TMPRSS6: variants seen among roughly 807,000 people sequenced by gnomAD.
TMPRSS6 encodes transmembrane serine protease 6, also known as transmembrane protease serine 6.
A neutral mutation model predicts 101.5 loss-of-function variants in TMPRSS6; 67 were observed. That is an observed-to-expected ratio of 0.66 (90% CI 0.54 to 0.81). The LOEUF (loss-of-function observed/expected upper bound fraction) is 0.81. Among genes scored for constraint, TMPRSS6 ranks in the 30% least tolerant of loss-of-function variants. TMPRSS6 has a pLI of 0.00. For synonymous variants in TMPRSS6, 453 were observed against 464.9 expected, an observed-to-expected ratio of 0.97 and a Z score of 0.33; for missense variants, 1,034 against 1,088.7, an observed-to-expected ratio of 0.95 and a Z score of 0.71.
chr22:37,075,568 G>A (rs746329158), intron 10 of TMPRSS6, among the ~76,000 whole-genome samples: 1 of 152,218 alleles, frequency 6.6e-6, no homozygotes, highest in Admixed American at 6.5e-5. Flanking sequence ...GTTCTAGCAA[G>A]TCAGGGTCCT....
At chr22:37,075,422 A>T in intron 10 of TMPRSS6, 142 bp from the exon 11 acceptor site, 5 of 1,126,882 alleles carry the variant, frequency 4.4e-6, no homozygotes, top group Non-Finnish European at 6.3e-6. Flanking sequence ...TCTCCCTTAG[A>T]TGAGTGCACC....
chr22:37,089,907 T>TA (rs1309067880), intron 6 of TMPRSS6, 125 bp from the exon 7 acceptor site: 1 of 819,754 alleles, frequency 1.2e-6, no homozygotes, highest in Non-Finnish European at 1.9e-6. Context: ...CGGGTGGGGA[T>TA]AGCCAGACAT....
chr22:37,073,096 GGATGGATGGATGATGGACGGATGGAT>G (rs1290926395), intron 13 of TMPRSS6, among the ~76,000 whole-genome samples: 1 of 141,136 alleles, frequency 7.1e-6, no homozygotes, highest in African/African-American at 2.7e-5. Context: ...GACGGATGAT[GGATGGATGGATGATGGACGGATGGAT>G]GATGGATGGG....
intron 10 of TMPRSS6, chr22:37,083,872 T>G: frequency 2.4e-6 from 1 of 416,944 alleles, no homozygotes; most frequent in Non-Finnish European, 4.3e-6. Context: ...CAGGGGTTCG[T>G]GATAAGGGAG....
rs899343378 is a variant in TMPRSS6 at position 37,071,543 on chromosome 22, A to C, written c.1556-511T>G. The stretch of plus-strand genomic sequence containing the variant: ...TCCTCCAGGAAGCTTTTCATGTCTG[A>C]CCTCCTCCCTGCCCTCCAATCTTCC... On this transcript the variant is annotated intron_variant, in intron 13 of 17. Coordinates refer to ENST00000676104, the MANE Select transcript of TMPRSS6 (RefSeq NM_001374504.1). 2.6e-5 allele frequency among the ~76,000 whole-genome samples: 4 copies of C among 151,774 alleles called. 1 individual carries two copies. The highest frequency in any genetic ancestry group is 4.9e-5 in the African/African-American group (2 of 41,230).
chr22:37,097,789 C>A (rs1418182725), intron 3 of TMPRSS6, among the ~76,000 whole-genome samples: 3 of 122,348 alleles, frequency 2.5e-5, no homozygotes, highest in Admixed American at 7.5e-5. Context: ...AGGAGTGGGC[C>A]ACCGTCCTGT....
chr22:37,078,273 G>A (rs1927851074), intron 10 of TMPRSS6, among the ~76,000 whole-genome samples: 1 of 152,182 alleles, frequency 6.6e-6, no homozygotes. Flanking sequence ...AAGCAACTGC[G>A]TTGAGGACCT....
At position 37,069,048 on chromosome 22, in the gene TMPRSS6, C is replaced by CCCG. The variant is rs1159358125; in HGVS notation, c.2113+22_2113+24dup. The CCCG allele has an allele frequency of 6.5e-7, 1 of 1,535,398 alleles. No homozygotes were observed. The highest frequency in any genetic ancestry group is 2.4e-5 in the East Asian group (1 of 40,918). ...AGATCCGCACGGTCTCCCTCCGCCT[C>CCCG]CCGCCGCAAGTCCCCGCTGCTCACC... is the stretch of plus-strand genomic sequence containing the variant. On this transcript the variant is annotated intron_variant, in intron 16 of 17. Transcript: ENST00000676104. The surrounding 1 kb of genome is among the most constrained non-coding windows in gnomAD (Gnocchi z 4.8).
Position 37,094,418 on chromosome 22 carries a change from GAT to G in TMPRSS6, c.631+1131_631+1132del, listed in dbSNP as rs1569019804. ...AGATAGATAGATAGATAGATAGATA[GAT>G]AGATAGATATAAACAGACAGCTAGC... is the stretch of plus-strand genomic sequence containing the variant. On this transcript the variant is annotated intron_variant, in intron 6 of 17. Transcript: ENST00000676104. Among the ~76,000 whole-genome samples, 835 of 150,568 alleles carry G rather than the reference GAT, an allele frequency of 5.5e-3. 5 individuals carry two copies. The highest frequency in any genetic ancestry group is 0.024 in the East Asian group (121 of 5,102).
chr22:37,081,901 G>A (rs891736484), intron 10 of TMPRSS6, among the ~76,000 whole-genome samples: 6 of 152,224 alleles, frequency 3.9e-5, no homozygotes, highest in Non-Finnish European at 7.3e-5. Flanking sequence ...CACCCTGTTG[G>A]AAGCTGTCCT....
At chr22:37,105,636 C>T (rs1930669445) in intron 1 of TMPRSS6, among the ~76,000 whole-genome samples, 1 of 152,172 alleles carries the variant, frequency 6.6e-6, no homozygotes, top group East Asian at 1.9e-4. Flanking sequence ...CCCTCGTCCC[C>T]TCCCTCTGCC....
rs9610642 is a variant in TMPRSS6 at position 37,075,298 on chromosome 22, C to A, written c.1197-18G>T. 10,835 of 1,612,962 alleles carry A rather than the reference C, an allele frequency of 6.7e-3. 55 individuals carry two copies. The highest frequency in any genetic ancestry group is 0.011 in the Middle Eastern group (65 of 5,966). ...CACACAGCCTGGGGGGAGTCAGAGA[C>A]GACTCAGGGCTGCACTGGCTGGTCT... On this transcript the variant is annotated intron_variant, in intron 10 of 17. Coordinates refer to ENST00000676104, the MANE Select transcript of TMPRSS6 (RefSeq NM_001374504.1).
intron 6 of TMPRSS6, among the ~76,000 whole-genome samples, chr22:37,093,655 T>C (rs1400051176): frequency 2.7e-5 from 4 of 150,492 alleles, no homozygotes; most frequent in Admixed American, 6.6e-5. Context: ...TGCCTGCCTC[T>C]GCCTCCCAAA....
At chr22:37,079,182 C>T (rs1049956600) in intron 10 of TMPRSS6, among the ~76,000 whole-genome samples, 6 of 152,164 alleles carry the variant, frequency 3.9e-5, no homozygotes, top group South Asian at 2.1e-4. Context: ...CAGTGCCTCC[C>T]GTCCAACAAG....
chr22:37,073,149 T>G (rs1601524939), intron 13 of TMPRSS6, among the ~76,000 whole-genome samples: 10 of 71,278 alleles, frequency 1.4e-4, no homozygotes, highest in East Asian at 3.6e-4. Context: ...GGTGGGTGGG[T>G]AGATGGGTGG....
intron 10 of TMPRSS6, among the ~76,000 whole-genome samples, chr22:37,078,054 T>C (rs1927829699): frequency 6.6e-6 from 1 of 152,192 alleles, no homozygotes; most frequent in African/African-American, 2.4e-5. Flanking sequence ...TGTTTGTCTA[T>C]AAAGTTATCA....
At position 37,103,205 on chromosome 22, in the gene TMPRSS6, CACA is replaced by C. The variant is rs1307258585; in HGVS notation, c.202+8_202+10del. On this transcript the variant is annotated splice_region_variant and intron_variant, in intron 2 of 17. Coordinates refer to ENST00000676104, the MANE Select transcript of TMPRSS6 (RefSeq NM_001374504.1). This position sits in a 1 kb window ranked among gnomAD's most constrained non-coding sequence, Gnocchi z 4.4. ...CCCAGGTGCCTCTCCCAGGCGGTCC[CACA>C]ACGTTACCTAGGAAATACCAGAGTA... 3 of 1,613,766 alleles carry C rather than the reference CACA, an allele frequency of 1.9e-6. No homozygotes were observed. Among genetic ancestry groups the C allele is most frequent in the South Asian group, 2.2e-5 (2 of 91,086 alleles).
At position 37,098,520 on chromosome 22, in the gene TMPRSS6, C is replaced by T. The variant is rs778420136; in HGVS notation, c.232G>A (p.Val78Met). The T allele has an allele frequency of 2.7e-5, 44 of 1,614,018 alleles. No individual in the cohort carries two copies. The highest frequency in any genetic ancestry group is 3.0e-5 in the Non-Finnish European group (35 of 1,180,032). ...GYKAEVMVSQ[V>M]YSGSLRVLNR... ...AGTACACGCAGACTGCCTGAGTACA[C>T]CTGGCTGACCATCACCTCCGCCTTG... The change falls in exon 3 of 18, where the codon GTG becomes ATG. Residue 78 changes from valine to methionine, a missense_variant. Coordinates refer to ENST00000676104, the MANE Select transcript of TMPRSS6 (RefSeq NM_001374504.1).
intron 1 of TMPRSS6, among the ~76,000 whole-genome samples, chr22:37,108,070 T>TC (rs1173418866): frequency 1.3e-5 from 2 of 152,288 alleles, no homozygotes; most frequent in East Asian, 1.9e-4. Flanking sequence ...CCTCCTTTTT[T>TC]CCCACCCTCT....
Sources: gnomAD v4.1 joint callset for allele counts (sites outside exome capture counted in the v4.1 genomes callset) on GRCh38, gnomAD v4.1.1 for gene constraint, Gnocchi (gnomAD v3.1) non-coding constraint, MANE v1.5 for transcripts, NCBI Gene and HGNC (gene_info 2026-07-23, HGNC 2026-07-21) for gene names.